UGT1A8: variants seen among roughly 807,000 people sequenced by gnomAD.
The protein encoded by UGT1A8 is UDP glucuronosyltransferase family 1 member A8.
In UGT1A8, 39 loss-of-function variants were observed where a neutral mutation model predicts 45.3. The observed-to-expected ratio is 0.86, with a 90% CI of 0.67 to 1.12. The LOEUF is 1.12. UGT1A8 is among the 50% of genes most tolerant of loss of function. The probability of loss-of-function intolerance (pLI) is 0.00; values close to 1 mark genes in which losing one functional copy is unlikely to be tolerated. For synonymous variants in UGT1A8, 275 were observed against 249.2 expected, an observed-to-expected ratio of 1.10 and a Z score of -0.97; for missense variants, 719 against 664.9, an observed-to-expected ratio of 1.08 and a Z score of -0.90.
At chr2:233,751,329 G>A (rs1694703475) in intron 1 of UGT1A8, among the ~76,000 whole-genome samples, 1 of 151,722 alleles carries the variant, frequency 6.6e-6, no homozygotes, top group Non-Finnish European at 1.5e-5. Flanking sequence ...CCCCCATTGT[G>A]TCTTGGAAGT....
intron 1 of UGT1A8, among the ~76,000 whole-genome samples, chr2:233,680,179 G>A (rs559961507): frequency 6.6e-6 from 1 of 152,104 alleles, no homozygotes; most frequent in African/African-American, 2.4e-5. Context: ...TTGCTTCTTG[G>A]GAGTACTTGC....
At chr2:233,672,330 A>T (rs1202256185) in intron 1 of UGT1A8, 2 of 1,614,006 alleles carry the variant, frequency 1.2e-6, no homozygotes, top group Admixed American at 1.7e-5. Flanking sequence ...AAGACAAAAA[A>T]TTAGTAGAAT....
At chr2:233,630,551 A>G (rs1216231766) in intron 1 of UGT1A8, among the ~76,000 whole-genome samples, 1 of 152,086 alleles carries the variant, frequency 6.6e-6, no homozygotes, top group Non-Finnish European at 1.5e-5. Context: ...TAAAGAAAAG[A>G]GGTTTAATTG....
intron 1 of UGT1A8, among the ~76,000 whole-genome samples, chr2:233,646,257 C>T (rs1296531119): frequency 1.3e-5 from 2 of 152,124 alleles, no homozygotes; most frequent in African/African-American, 4.8e-5. Context: ...ATTGTTTCCT[C>T]CTAGGCCTCC....
At chr2:233,719,697 G>A in intron 1 of UGT1A8, 1 of 1,613,928 alleles carries the variant, frequency 6.2e-7, no homozygotes. Context: ...GGTCTGTATT[G>A]GTGCCTTCAT....
At chr2:233,650,709 C>T (rs1300840206) in intron 1 of UGT1A8, among the ~76,000 whole-genome samples, 1 of 152,060 alleles carries the variant, frequency 6.6e-6, no homozygotes, top group Non-Finnish European at 1.5e-5. Context: ...CTGCAGAATT[C>T]ATGTTGTTTT....
At chr2:233,743,095 G>C (rs1692201542) in intron 1 of UGT1A8, 3 of 349,024 alleles carry the variant, frequency 8.6e-6, no homozygotes, top group African/African-American at 6.5e-5. Flanking sequence ...ATAAATTCTT[G>C]GGTACAGCTG....
chr2:233,692,928 A>G, intron 1 of UGT1A8: 11 of 1,581,564 alleles, frequency 7.0e-6, no homozygotes, highest in Non-Finnish European at 9.4e-6. Context: ...TGGTTAGTTT[A>G]GGGAAAATAC....
chr2:233,617,808 A>C lies in UGT1A8; in HGVS notation c.101A>C (p.Asp34Ala). The change falls in exon 1 of 5, where the codon GAT becomes GCT. Residue 34 changes from aspartate to alanine, a missense_variant. Transcript: ENST00000373450. Reference sequence around the variant, plus strand: ...GGGAAGCTGCTGGTAGTGCCCATGGATGGGAGTCACTGGTTCACCATGCAG... The same window carrying C: ...GGGAAGCTGCTGGTAGTGCCCATGGCTGGGAGTCACTGGTTCACCATGCAG... ...EAGKLLVVPM[D>A]GSHWFTMQSV... 1.9e-6 allele frequency: 3 copies of C among 1,614,022 alleles called. No homozygotes were observed. Among genetic ancestry groups the C allele is most frequent in the Non-Finnish European group, 2.5e-6 (3 of 1,179,992 alleles).
intron 1 of UGT1A8, among the ~76,000 whole-genome samples, chr2:233,680,626 A>G (rs1036563876): frequency 6.6e-6 from 1 of 152,182 alleles, no homozygotes; most frequent in Non-Finnish European, 1.5e-5. Context: ...GCCCAATGCA[A>G]TGAGAATTCC....
chr2:233,729,996 C>A (rs766095782), intron 1 of UGT1A8: 2 of 1,613,996 alleles, frequency 1.2e-6, no homozygotes, highest in Non-Finnish European at 1.7e-6. Flanking sequence ...TATCTCAGGT[C>A]TGTATTGGTG....
intron 1 of UGT1A8, among the ~76,000 whole-genome samples, chr2:233,700,167 G>A (rs961586449): frequency 6.6e-6 from 1 of 152,190 alleles, no homozygotes; most frequent in African/African-American, 2.4e-5. Context: ...TACAAGGAAT[G>A]CTCATTCAGG....
intron 1 of UGT1A8, among the ~76,000 whole-genome samples, chr2:233,645,257 A>G (rs558318451): frequency 7.8e-4 from 119 of 152,306 alleles, no homozygotes; most frequent in African/African-American, 2.8e-3. Flanking sequence ...CAATTTTCCC[A>G]CCAGGATCCT....
At chr2:233,694,255 C>G (rs2075208308) in intron 1 of UGT1A8, among the ~76,000 whole-genome samples, 1 of 151,978 alleles carries the variant, frequency 6.6e-6, no homozygotes, top group African/African-American at 2.4e-5. Context: ...GAGCCAGGGA[C>G]CAGCGAACTA....
chr2:233,642,621 G>A (rs1333392125), intron 1 of UGT1A8, among the ~76,000 whole-genome samples: 2 of 152,184 alleles, frequency 1.3e-5, no homozygotes, highest in Non-Finnish European at 2.9e-5. Flanking sequence ...GGTGTTTATT[G>A]TAGTCTTCAT....
intron 1 of UGT1A8, among the ~76,000 whole-genome samples, chr2:233,746,084 A>T (rs555344502): frequency 1.2e-4 from 18 of 151,976 alleles, no homozygotes; most frequent in Admixed American, 1.2e-3. Context: ...AGTCACTTCT[A>T]TACAGAAACA....
chr2:233,758,786 G>T (rs1696976610), intron 1 of UGT1A8, among the ~76,000 whole-genome samples: 1 of 152,212 alleles, frequency 6.6e-6, no homozygotes, highest in Admixed American at 6.5e-5. Context: ...GATCTGTGCA[G>T]TTATCTTGGA....
intron 1 of UGT1A8, among the ~76,000 whole-genome samples, chr2:233,723,213 CTTT>C (rs201420005): frequency 5.6e-5 from 5 of 88,866 alleles, no homozygotes; most frequent in Admixed American, 3.3e-4. Flanking sequence ...TCAAAACTGA[CTTT>C]TTTTTTTTTT....
At chr2:233,730,860 C>A (rs1179282206) in intron 1 of UGT1A8, among the ~76,000 whole-genome samples, 1 of 152,164 alleles carries the variant, frequency 6.6e-6, no homozygotes, top group Non-Finnish European at 1.5e-5. Context: ...CAAACCCACC[C>A]TACTGCACTC....
Sources: gnomAD v4.1 joint callset for allele counts (sites outside exome capture counted in the v4.1 genomes callset) on GRCh38, gnomAD v4.1.1 for gene constraint, MANE v1.5 for transcripts, NCBI Gene and HGNC (gene_info 2026-07-23, HGNC 2026-07-21) for gene names.